Variants in CENPP observed in about 807,000 individuals in gnomAD.
The protein encoded by CENPP is centromere protein P.
Under a neutral mutation model 35.6 loss-of-function variants are expected in CENPP, and 24 were observed. The observed-to-expected ratio is 0.67, with a 90% CI of 0.49 to 0.95. The LOEUF (loss-of-function observed/expected upper bound fraction) is 0.95. Ranked by LOEUF, CENPP falls within the 40% of genes least tolerant of loss-of-function variation. The pLI is 0.00. For missense variants in CENPP, 332 were observed against 345.3 expected (o/e 0.96, Z 0.31); for synonymous variants, 120 against 125.5 (o/e 0.96, Z 0.29).
intron 5 of CENPP, among the ~76,000 whole-genome samples, chr9:92,395,154 C>T (rs1276642612): frequency 1.3e-5 from 2 of 152,136 alleles, no homozygotes; most frequent in African/African-American, 2.4e-5. Flanking sequence ...AATTAACATA[C>T]CTGTCACTCC....
At chr9:92,537,377 C>A (rs1849207863) in intron 5 of CENPP, among the ~76,000 whole-genome samples, 1 of 152,024 alleles carries the variant, frequency 6.6e-6, no homozygotes. Context: ...AAATGTAAAA[C>A]TAGCTGAGTG....
At chr9:92,358,760 G>A (rs144599120) in intron 4 of CENPP, among the ~76,000 whole-genome samples, 62 of 151,748 alleles carry the variant, frequency 4.1e-4, no homozygotes, top group African/African-American at 1.4e-3. Flanking sequence ...TCTTTGTATT[G>A]ATATTTCTAT....
chr9:92,608,825 T>G (rs1028757282), intron 5 of CENPP, among the ~76,000 whole-genome samples: 3 of 152,382 alleles, frequency 2.0e-5, no homozygotes, highest in Middle Eastern at 3.4e-3. Context: ...TACACTTTTT[T>G]TACTGAAAGC....
At chr9:92,518,906 A>G (rs1847894081) in intron 5 of CENPP, among the ~76,000 whole-genome samples, 1 of 152,150 alleles carries the variant, frequency 6.6e-6, no homozygotes, top group African/African-American at 2.4e-5. Flanking sequence ...AAATAAACAA[A>G]TAAAGTTCAT....
chr9:92,618,628 A>G lies in CENPP; in HGVS notation c.*5479A>G, dbSNP rs1368220380. ...TTCCTCATAACTTAGCCCTGTAGGT[A>G]TTTCCTTAGGGGATAACAGGAGTTT... is the stretch of plus-strand genomic sequence containing the variant. On this transcript the variant is annotated 3_prime_UTR_variant, in exon 8 of 8. Transcript: ENST00000375587. 4.4e-6 allele frequency: 2 copies of G among 452,704 alleles called. No individual in the cohort carries two copies. Among genetic ancestry groups the G allele is most frequent in the Non-Finnish European group, 8.9e-6 (2 of 223,832 alleles). The allele number at this position is 452,704 out of a possible 1,614,324, so 28.0% of individuals were successfully genotyped here. A position where few individuals can be genotyped will look rare whatever the true frequency, so the allele number is the denominator to read the frequency against.
At chr9:92,408,209 C>T (rs961940160) in intron 5 of CENPP, among the ~76,000 whole-genome samples, 36 of 152,198 alleles carry the variant, frequency 2.4e-4, no homozygotes, top group African/African-American at 7.5e-4. Context: ...GTTTTTGAGA[C>T]GGAGTCTTGC....
intron 5 of CENPP, among the ~76,000 whole-genome samples, chr9:92,567,379 T>TAGAG (rs1000558894): frequency 1.1e-5 from 1 of 90,456 alleles, no homozygotes; most frequent in South Asian, 2.9e-4. Flanking sequence ...GATAGATATA[T>TAGAG]ATATATATAT....
intron 5 of CENPP, among the ~76,000 whole-genome samples, chr9:92,560,823 T>C (rs1205033973): frequency 1.3e-5 from 2 of 152,002 alleles, no homozygotes; most frequent in East Asian, 3.9e-4. Context: ...GTCTCAAAAG[T>C]CGCAGTGGCT....
intron 4 of CENPP, among the ~76,000 whole-genome samples, chr9:92,361,803 A>T (rs561727333): frequency 1.8e-4 from 27 of 152,300 alleles, no homozygotes; most frequent in African/African-American, 6.5e-4. Flanking sequence ...TTTTAAGTTT[A>T]GAGATATTCC....
chr9:92,477,731 TCAAAAATAAA>T (rs1477127698), intron 5 of CENPP, among the ~76,000 whole-genome samples: 1 of 151,760 alleles, frequency 6.6e-6, no homozygotes, highest in African/African-American at 2.4e-5. Flanking sequence ...ACTTCCCTAC[TCAAAAATAAA>T]AAACCCGCAA....
At chr9:92,459,604 T>G in intron 5 of CENPP, 1 of 1,606,428 alleles carries the variant, frequency 6.2e-7, no homozygotes, top group South Asian at 1.1e-5. Flanking sequence ...AATACCAATA[T>G]CTACTGAACA....
intron 5 of CENPP, among the ~76,000 whole-genome samples, chr9:92,448,536 TG>T (rs1273490356): frequency 6.6e-6 from 1 of 151,692 alleles, no homozygotes; most frequent in Non-Finnish European, 1.5e-5. Flanking sequence ...TTTGGAGAAG[TG>T]GTCAGGGAGG....
intron 5 of CENPP, chr9:92,385,930 C>T (rs1218554820): frequency 4.0e-6 from 3 of 748,028 alleles, no homozygotes; most frequent in Non-Finnish European, 6.6e-6. Context: ...TTAGGAAATA[C>T]TCAAATGTAC....
At chr9:92,369,822 TCTTTC>T (rs932691144) in intron 4 of CENPP, among the ~76,000 whole-genome samples, 2 of 152,244 alleles carry the variant, frequency 1.3e-5, no homozygotes, top group African/African-American at 4.8e-5. Flanking sequence ...GCCTTTTATT[TCTTTC>T]CTTTGCCTGA....
At chr9:92,464,713 G>T (rs566129015) in intron 5 of CENPP, 115 of 681,844 alleles carry the variant, frequency 1.7e-4, no homozygotes, top group Non-Finnish European at 2.6e-4. Context: ...TATTCTTAGT[G>T]GAGTAAAAAA....
intron 5 of CENPP, among the ~76,000 whole-genome samples, chr9:92,545,232 G>A (rs575142403): frequency 2.2e-4 from 33 of 152,278 alleles, no homozygotes; most frequent in Non-Finnish European, 4.1e-4. Flanking sequence ...ACCTGGGATG[G>A]CCGAGGCCGG....
chr9:92,378,104 T>A (rs1842164401), intron 4 of CENPP, among the ~76,000 whole-genome samples: 1 of 152,198 alleles, frequency 6.6e-6, no homozygotes, highest in Non-Finnish European at 1.5e-5. Context: ...CAGTTGGGGC[T>A]AGCTGACAAA....
chr9:92,393,746 T>A (rs746681257), intron 5 of CENPP, among the ~76,000 whole-genome samples: 2 of 152,210 alleles, frequency 1.3e-5, no homozygotes, highest in African/African-American at 2.4e-5. Context: ...TCCTTAGTCT[T>A]TGTTTTTTAT....
chr9:92,567,383 T>TATATATATATAGATAG, intron 5 of CENPP, among the ~76,000 whole-genome samples: 1 of 94,622 alleles, frequency 1.1e-5, no homozygotes, highest in South Asian at 2.7e-4. Context: ...GATATATATA[T>TATATATATATAGATAG]ATATATATAT....
Sources: gnomAD v4.1 joint callset for allele counts (sites outside exome capture counted in the v4.1 genomes callset) on GRCh38, gnomAD v4.1.1 for gene constraint, MANE v1.5 for transcripts, NCBI Gene and HGNC (gene_info 2026-07-23, HGNC 2026-07-21) for gene names.